The following DACH1 variants were observed in gnomAD, a reference collection of about 807,000 sequenced individuals.
The protein encoded by DACH1 is dachshund family transcription factor 1, also known as dachshund homolog 1.
Under a neutral mutation model 54.2 loss-of-function variants are expected in DACH1, and 12 were observed. The ratio of observed to expected loss-of-function variants is 0.22; its 90% CI spans 0.14 to 0.36. The LOEUF is 0.36. Ranked by LOEUF, DACH1 falls within the 10% of genes least tolerant of loss-of-function variation. DACH1 has a pLI of 1.00. For synonymous variants in DACH1, 386 were observed against 366.2 expected, an observed-to-expected ratio of 1.05 and a Z score of -0.62; for missense variants, 805 against 929.8, an observed-to-expected ratio of 0.87 and a Z score of 1.75.
chr13:71,866,880 C>CAA lies in DACH1; in HGVS notation c.-113_-112dup, dbSNP rs1874863462. On this transcript the variant is annotated 5_prime_UTR_variant, in exon 1 of 11. Transcript: ENST00000613252. ...GGAGAAGGAGCGAGGGGGGCAACAA[C>CAA]AACTCCGGGAGAGAACGAGAAGGAG... The CAA allele has an allele frequency of 2.5e-6, 2 of 807,654 alleles. No individual in the cohort carries two copies. Among genetic ancestry groups the CAA allele is most frequent in the Non-Finnish European group, 3.3e-6 (2 of 600,848 alleles). 50.0% of individuals were successfully genotyped at this position (807,654 alleles called of 1,614,324 possible).
At chr13:71,595,859 T>C (rs1566366715) in intron 3 of DACH1, among the ~76,000 whole-genome samples, 1 of 152,072 alleles carries the variant, frequency 6.6e-6, no homozygotes, top group Non-Finnish European at 1.5e-5. Flanking sequence ...CTAAATACTA[T>C]CACATTGAGA....
At chr13:71,755,665 A>G (rs188872157) in intron 1 of DACH1, among the ~76,000 whole-genome samples, 154 of 152,274 alleles carry the variant, frequency 1.0e-3, no homozygotes, top group Non-Finnish European at 1.6e-3. Context: ...GTAGCTATCA[A>G]TTTCTTCACA....
intron 3 of DACH1, among the ~76,000 whole-genome samples, chr13:71,604,725 G>T (rs1176653321): frequency 6.6e-6 from 1 of 151,822 alleles, no homozygotes. Context: ...AGAGAACCCA[G>T]GTGTCACATG....
Position 71,840,198 on chromosome 13 carries a change from T to TCC in DACH1, c.848+25723_848+25724insGG, listed in dbSNP as rs1888962141. 2.0e-5 allele frequency among the ~76,000 whole-genome samples: 3 copies of TCC among 152,304 alleles called. No homozygotes were observed. In the South Asian group the frequency reaches 6.2e-4, roughly 32 times the overall value. ...CCTGGCCTCAAGTGATCTGTCCACCTCAGCCTCCCAAAGTGCTGGGATTAC... is the reference window on the plus strand; with the variant it reads ...CCTGGCCTCAAGTGATCTGTCCACCTCCCAGCCTCCCAAAGTGCTGGGATTAC... On this transcript the variant is annotated intron_variant, in intron 1 of 10. Coordinates refer to ENST00000613252, the MANE Select transcript of DACH1 (RefSeq NM_080759.6).
intron 1 of DACH1, among the ~76,000 whole-genome samples, chr13:71,730,290 C>T (rs926989109): frequency 6.6e-6 from 1 of 152,078 alleles, no homozygotes; most frequent in Non-Finnish European, 1.5e-5. Context: ...TTACCTGGGG[C>T]TACCAGCCTA....
chr13:71,819,996 G>A (rs937185220), intron 1 of DACH1, among the ~76,000 whole-genome samples: 48 of 151,244 alleles, frequency 3.2e-4, no homozygotes, highest in Non-Finnish European at 6.5e-4. Context: ...ATTGGGTGCA[G>A]TGGCTCACTC....
intron 6 of DACH1, among the ~76,000 whole-genome samples, chr13:71,523,003 C>T (rs1478084326): frequency 6.6e-6 from 1 of 152,118 alleles, no homozygotes; most frequent in Non-Finnish European, 1.5e-5. Context: ...TTCACCATTG[C>T]TCTGCAATTA....
chr13:71,614,827 C>G (rs1875629501), intron 3 of DACH1, among the ~76,000 whole-genome samples: 2 of 142,020 alleles, frequency 1.4e-5, no homozygotes, highest in South Asian at 4.4e-4. Context: ...GCACCCCAGC[C>G]TGGGTGACAA....
At chr13:71,801,418 AT>A (rs1220756048) in intron 1 of DACH1, among the ~76,000 whole-genome samples, 2 of 152,130 alleles carry the variant, frequency 1.3e-5, no homozygotes, top group Non-Finnish European at 2.9e-5. Flanking sequence ...TGCCTAAATG[AT>A]TTAGTATTTT....
At chr13:71,691,705 G>A (rs940786945) in intron 1 of DACH1, among the ~76,000 whole-genome samples, 2 of 152,206 alleles carry the variant, frequency 1.3e-5, no homozygotes, top group African/African-American at 4.8e-5. Context: ...GCATGTTAAT[G>A]TAGTCAACAA....
At chr13:71,781,865 A>T (rs111571586) in intron 1 of DACH1, among the ~76,000 whole-genome samples, 2,029 of 152,260 alleles carry the variant, frequency 0.013, 31 homozygotes, top group African/African-American at 0.043. Context: ...CTGTTTTCTG[A>T]CACACACTAC....
chr13:71,645,931 A>C (rs999753745), intron 2 of DACH1, among the ~76,000 whole-genome samples: 2 of 152,162 alleles, frequency 1.3e-5, no homozygotes, highest in Non-Finnish European at 2.9e-5. Flanking sequence ...GAGAAATTTC[A>C]AGTTTGGAAA....
chr13:71,630,016 A>G (rs974647482), intron 3 of DACH1, among the ~76,000 whole-genome samples: 1 of 152,128 alleles, frequency 6.6e-6, no homozygotes, highest in African/African-American at 2.4e-5. Context: ...GGAAAGAAAA[A>G]AAATCAAGAA....
At chr13:71,572,684 C>T (rs1885286818) in intron 4 of DACH1, among the ~76,000 whole-genome samples, 156 bp downstream of exon 4, 1 of 151,936 alleles carries the variant, frequency 6.6e-6, no homozygotes, top group Admixed American at 6.6e-5. Context: ...GTAATGTGCC[C>T]CTGGGGCCAT....
At chr13:71,552,842 T>TAG (rs1167871695) in intron 6 of DACH1, among the ~76,000 whole-genome samples, 168 of 12,506 alleles carry the variant, frequency 0.013, 7 homozygotes, top group Non-Finnish European at 0.015. Flanking sequence ...TATATATATA[T>TAG]AGAGAGAGAG....
intron 6 of DACH1, among the ~76,000 whole-genome samples, chr13:71,552,779 ATATATG>A (rs1265466397): frequency 7.9e-6 from 1 of 126,066 alleles, no homozygotes; most frequent in Non-Finnish European, 1.6e-5. Context: ...ATATATATAT[ATATATG>A]GATGTGAATA....
chr13:71,460,969 C>A (rs372861013), intron 10 of DACH1, among the ~76,000 whole-genome samples: 1 of 151,968 alleles, frequency 6.6e-6, no homozygotes, highest in African/African-American at 2.4e-5. Context: ...ATTACATTTA[C>A]TTCACTATTT....
chr13:71,669,938 C>G (rs1880109636), intron 2 of DACH1, among the ~76,000 whole-genome samples: 1 of 150,020 alleles, frequency 6.7e-6, no homozygotes, highest in Admixed American at 6.7e-5. Context: ...AGCCAACTCA[C>G]AATACCATTT....
chr13:71,697,139 A>G (rs1370278697), intron 1 of DACH1, among the ~76,000 whole-genome samples: 1 of 152,174 alleles, frequency 6.6e-6, no homozygotes, highest in Non-Finnish European at 1.5e-5. Context: ...TCTGTCTTGC[A>G]TATTTCATGA....
Sources: allele counts gnomAD v4.1 joint callset (sites outside exome capture counted in the v4.1 genomes callset), GRCh38; gene constraint gnomAD v4.1.1; transcripts MANE v1.5; gene names NCBI Gene and HGNC (gene_info 2026-07-23, HGNC 2026-07-21).